ZNF169: variants seen among roughly 807,000 people sequenced by gnomAD.
The protein encoded by ZNF169 is zinc finger protein 169.
ZNF169 carries 11 observed loss-of-function variants against 12.0 expected under a neutral mutation model. The observed-to-expected ratio is 0.92, with a 90% CI of 0.58 to 1.52. The LOEUF is 1.52. Among genes scored for constraint, ZNF169 ranks in the 40% most tolerant of loss-of-function variants. The probability of loss-of-function intolerance (pLI) is 0.00; values close to 1 mark genes in which losing one functional copy is unlikely to be tolerated. For synonymous variants in ZNF169, 302 were observed against 286.5 expected, an observed-to-expected ratio of 1.05 and a Z score of -0.55; for missense variants, 722 against 744.0, an observed-to-expected ratio of 0.97 and a Z score of 0.34.
At position 94,300,036 on chromosome 9, in the gene ZNF169, AT is replaced by A. The variant is rs1005040962; in HGVS notation, c.481del (p.Ser161LeufsTer13). ...DSSLRKRPSR[I>X]SRTFFSPHQG... ...CTCATTAAGAAAGAGGCCAAGCAGA[AT>A]TTCTAGGACATTCTTCAGCCCACAT... On this transcript the variant is annotated frameshift_variant, in exon 5 of 5. Transcript: ENST00000395395. LOFTEE classifies it low-confidence loss of function (END_TRUNC). 6 of 1,614,012 alleles carry A rather than the reference AT, an allele frequency of 3.7e-6. No homozygotes were observed. The African/African-American group carries it at 8.0e-5, about 22-fold the overall frequency.
chr9:94,285,294 G>A (rs896187582), intron 2 of ZNF169, among the ~76,000 whole-genome samples: 7 of 152,234 alleles, frequency 4.6e-5, no homozygotes, highest in East Asian at 1.9e-4. Context: ...AAAAAGCTAC[G>A]GGATAGACTT....
rs139329935 is a variant in ZNF169 at position 94,283,300 on chromosome 9, C to T, written c.33+4455C>T. On this transcript the variant is annotated intron_variant, in intron 2 of 4. Transcript: ENST00000395395. The stretch of plus-strand genomic sequence containing the variant: ...GCATGCGCCTGTAGTCCCAGCTACT[C>T]GGAAGGCTGAGGCAGGAGAATTGCT... 4.1e-3 allele frequency among the ~76,000 whole-genome samples: 627 copies of T among 152,162 alleles called. 2 individuals carry two copies. The highest frequency in any genetic ancestry group is 0.014 in the African/African-American group (598 of 41,508).
chr9:94,279,671 A>G (rs2118597813), intron 2 of ZNF169, among the ~76,000 whole-genome samples: 1 of 152,162 alleles, frequency 6.6e-6, no homozygotes, highest in East Asian at 1.9e-4. Flanking sequence ...ATGGGGCAAG[A>G]ATCCTATCCC....
chr9:94,273,292 A>G (rs1254116387), intron 1 of ZNF169, among the ~76,000 whole-genome samples: 1 of 150,076 alleles, frequency 6.7e-6, no homozygotes, highest in Non-Finnish European at 1.5e-5. Flanking sequence ...AATCATTGTC[A>G]AGACCAATAT....
chr9:94,284,151 G>A lies in ZNF169; in HGVS notation c.33+5306G>A, dbSNP rs146951889. Among the ~76,000 whole-genome samples, 8 of 151,044 alleles carry A rather than the reference G, an allele frequency of 5.3e-5. No individual in the cohort carries two copies. The East Asian group carries it at 5.9e-4, about 11-fold the overall frequency. ...ATAAAAATCCTCCCAAGGGTCGGGC[G>A]CAGTGGCTCATACCTGTAACCCCAG... On this transcript the variant is annotated intron_variant, in intron 2 of 4. Transcript: ENST00000395395.
rs759519875 is a variant in ZNF169, at chr9:94,300,648, C to T, written c.1090C>T (p.His364Tyr). ...GFCQKASLLQ[H>Y]QSSHTGERPF... ...TTGCCAGAAGGCATCACTCCTCCAG[C>T]ACCAGAGCTCACACACAGGGGAGAG... The change falls in exon 5 of 5, where the codon CAC becomes TAC. Residue 364 changes from histidine (H) to tyrosine (Y), a missense_variant. Coordinates refer to ENST00000395395, the MANE Select transcript of ZNF169 (RefSeq NM_194320.4). 7 of 1,614,214 alleles carry T rather than the reference C, an allele frequency of 4.3e-6. No homozygotes were observed. The highest frequency in any genetic ancestry group is 1.3e-5 in the African/African-American group (1 of 75,052).
At chr9:94,280,394 A>G (rs776541119) in intron 2 of ZNF169, among the ~76,000 whole-genome samples, 1 of 152,178 alleles carries the variant, frequency 6.6e-6, no homozygotes, top group Non-Finnish European at 1.5e-5. Context: ...ATATTGGCTT[A>G]TGTTTTCTGT....
At chr9:94,264,408 C>T (rs893845304) in intron 1 of ZNF169, among the ~76,000 whole-genome samples, 1 of 152,204 alleles carries the variant, frequency 6.6e-6, no homozygotes, top group African/African-American at 2.4e-5. Context: ...GCTGAGATTA[C>T]AGACGTGAGC....
intron 2 of ZNF169, among the ~76,000 whole-genome samples, chr9:94,284,289 G>T (rs940999309): frequency 3.3e-5 from 5 of 151,896 alleles, no homozygotes; most frequent in African/African-American, 1.2e-4. Flanking sequence ...GCCGGGCGTG[G>T]TGGCACGTGC....
intron 1 of ZNF169, among the ~76,000 whole-genome samples, chr9:94,261,081 G>C (rs778978113): frequency 2.1e-4 from 32 of 151,782 alleles, no homozygotes; most frequent in Non-Finnish European, 4.1e-4. Context: ...CGCCAGGCTG[G>C]AGTGCAGTGG....
chr9:94,265,026 T>TTG lies in ZNF169; in HGVS notation c.-56+5682_-56+5683insGT, dbSNP rs1167708189. Among the ~76,000 whole-genome samples, 17 of 148,090 alleles carry TTG rather than the reference T, an allele frequency of 1.1e-4. No individual in the cohort carries two copies. In the East Asian group the frequency reaches 2.0e-3, roughly 17 times the overall value. On this transcript the variant is annotated intron_variant, in intron 1 of 4. Transcript: ENST00000395395. ...TATATCTCTTTCTGTACCCTGTTTT[T>TTG]TTTTTTTTTTTTTTTAATATCTCTT...
Position 94,300,244 on chromosome 9 carries a change from G to A in ZNF169, c.686G>A (p.Ser229Asn). ...CTTAGCAAAAAGTCAAGCCTGTTCA[G>A]CCACCAGAAGCATCATGTGTGCCCT... is the stretch of plus-strand genomic sequence containing the variant. ...LGLSKKSSLF[S>N]HQKHHVCPEC... The change falls in exon 5 of 5, where the codon AGC (serine) becomes AAC (asparagine). Residue 229 changes from serine (S) to asparagine (N), a missense_variant. Ser to Asn is a conservative substitution (Grantham distance 46). Coordinates refer to ENST00000395395, the MANE Select transcript of ZNF169 (RefSeq NM_194320.4). 1 of 1,614,212 alleles carries A rather than the reference G, an allele frequency of 6.2e-7. No individual in the cohort carries two copies. Among genetic ancestry groups the A allele is most frequent in the Non-Finnish European group, 8.5e-7 (1 of 1,180,038 alleles).
At position 94,297,725 on chromosome 9, in the gene ZNF169, G is replaced by A. The variant is rs185611714; in HGVS notation, c.257-2090G>A. On this transcript the variant is annotated intron_variant, in intron 4 of 4. Transcript: ENST00000395395. ...ATAAATCAGTATTGTATTTATAATC[G>A]TCTGCCTTGAACCAAGGGTCTTCTG... 3.1e-3 allele frequency among the ~76,000 whole-genome samples: 466 copies of A among 152,244 alleles called. 6 individuals carry two copies. Among genetic ancestry groups the A allele is most frequent in the East Asian group, 6.0e-3 (31 of 5,190 alleles).
chr9:94,264,376 G>A (rs1802187620), intron 1 of ZNF169, among the ~76,000 whole-genome samples: 1 of 152,094 alleles, frequency 6.6e-6, no homozygotes, highest in Non-Finnish European at 1.5e-5. Context: ...CAAGTGATCT[G>A]TCCACCTTGG....
At chr9:94,286,431 G>A (rs1830720983) in intron 2 of ZNF169, among the ~76,000 whole-genome samples, 1 of 152,154 alleles carries the variant, frequency 6.6e-6, no homozygotes, top group Non-Finnish European at 1.5e-5. Flanking sequence ...GTCTGATGCA[G>A]TTTGGCTCTG....
At chr9:94,266,012 G>A (rs142908432) in intron 1 of ZNF169, among the ~76,000 whole-genome samples, 4,618 of 151,568 alleles carry the variant, frequency 0.03, 187 homozygotes, top group African/African-American at 0.087. Flanking sequence ...CCTGAACCCG[G>A]GAGGCAGAGG....
At chr9:94,271,718 C>CA (rs58733917) in intron 1 of ZNF169, among the ~76,000 whole-genome samples, 19,274 of 63,892 alleles carry the variant, frequency 0.3, 2,289 homozygotes, top group East Asian at 0.47. Flanking sequence ...GACTCTGTCT[C>CA]AAAAAAAAAA....
chr9:94,263,124 T>C (rs988045853), intron 1 of ZNF169, among the ~76,000 whole-genome samples: 2 of 150,698 alleles, frequency 1.3e-5, no homozygotes, highest in Non-Finnish European at 3.0e-5. Flanking sequence ...GTTCAAATCT[T>C]GTATTTCCTT....
intron 2 of ZNF169, among the ~76,000 whole-genome samples, chr9:94,283,048 C>T (rs897186285): frequency 6.6e-6 from 1 of 152,198 alleles, no homozygotes; most frequent in Non-Finnish European, 1.5e-5. Context: ...TATGGATTTA[C>T]CTCTTCTGGA....
Sources: allele counts gnomAD v4.1 joint callset (sites outside exome capture counted in the v4.1 genomes callset), GRCh38; gene constraint gnomAD v4.1.1; transcripts MANE v1.5; gene names NCBI Gene and HGNC (gene_info 2026-07-23, HGNC 2026-07-21).